CSMD2: variants seen among roughly 807,000 people sequenced by gnomAD.
The protein encoded by CSMD2 is CUB and Sushi multiple domains 2, also known as CUB and sushi domain-containing protein 2.
A neutral mutation model predicts 398.5 loss-of-function variants in CSMD2; 130 were observed. The observed-to-expected ratio is 0.33, with a 90% CI of 0.28 to 0.38. CSMD2 has a LOEUF of 0.38. Ranked by LOEUF, CSMD2 falls within the 10% of genes least tolerant of loss-of-function variation. The pLI, the probability that CSMD2 is intolerant of heterozygous loss-of-function variation, is 1.00. For missense variants in CSMD2, 3,829 were observed against 4,764.9 expected (o/e 0.80, Z 5.78); for synonymous variants, 1,828 against 1,908.5 (o/e 0.96, Z 1.10).
At chr1:33,752,382 C>T (rs1648371540) in intron 13 of CSMD2, among the ~76,000 whole-genome samples, 1 of 152,106 alleles carries the variant, frequency 6.6e-6, no homozygotes, top group African/African-American at 2.4e-5. Context: ...CCCCACCCTA[C>T]CTTGCTCCTA....
intron 3 of CSMD2, among the ~76,000 whole-genome samples, chr1:34,016,133 A>G (rs1210493663): frequency 3.9e-5 from 6 of 152,030 alleles, no homozygotes; most frequent in Admixed American, 3.3e-4. Flanking sequence ...ATTTATAGAG[A>G]AACATATACG....
At chr1:33,900,199 A>G (rs940796952) in intron 5 of CSMD2, among the ~76,000 whole-genome samples, 1 of 152,212 alleles carries the variant, frequency 6.6e-6, no homozygotes, top group Admixed American at 6.5e-5. Flanking sequence ...TTATAACTGT[A>G]TGAAAGGCCT....
intron 2 of CSMD2, among the ~76,000 whole-genome samples, chr1:34,033,180 A>T (rs576857043): frequency 1.3e-5 from 2 of 152,272 alleles, no homozygotes; most frequent in African/African-American, 2.4e-5. Flanking sequence ...TTTTATAGAA[A>T]TAAGTGCCTA....
intron 25 of CSMD2, among the ~76,000 whole-genome samples, chr1:33,672,350 G>A (rs953522532): frequency 1.3e-5 from 2 of 152,226 alleles, no homozygotes; most frequent in African/African-American, 2.4e-5. Flanking sequence ...AGGGTCCTAC[G>A]CCCACGGAGC....
At chr1:34,105,083 G>A (rs1345421525) in intron 1 of CSMD2, among the ~76,000 whole-genome samples, 1 of 152,216 alleles carries the variant, frequency 6.6e-6, no homozygotes, top group Admixed American at 6.5e-5. Flanking sequence ...CGTGCATTAA[G>A]TGCTGGGTGA....
At chr1:33,688,890 T>A (rs930250316) in intron 25 of CSMD2, among the ~76,000 whole-genome samples, 2 of 152,166 alleles carry the variant, frequency 1.3e-5, no homozygotes, top group African/African-American at 4.8e-5. Flanking sequence ...AAAAAGATAA[T>A]AACTAAATAA....
In CSMD2 at chr1:33,726,661, G is replaced by T; in HGVS notation, c.2393C>A (p.Ser798Ter). 6.2e-7 allele frequency: 1 copy of T among 1,612,088 alleles called. No homozygotes were observed. ...CEAPCGGHLT[S>*]PSGTILSPGW... ...CGGAGAGAGGATGGTGCCGCTGGGC[G>T]AAGTCAGGTGACCACCACAGGGAGC... The change falls in exon 16 of 71, where the codon TCG (serine) becomes TAG (stop). Residue 798 changes from serine to a stop codon, truncating the protein, a stop_gained. Coordinates refer to ENST00000373381, the MANE Select transcript of CSMD2 (RefSeq NM_001281956.2). LOFTEE classifies it high-confidence loss of function.
chr1:33,643,802 C>T (rs1301930205), intron 29 of CSMD2, among the ~76,000 whole-genome samples: 1 of 151,852 alleles, frequency 6.6e-6, no homozygotes, highest in East Asian at 1.9e-4. Flanking sequence ...GGTAGGGGTC[C>T]CTAGGTTCCA....
intron 5 of CSMD2, among the ~76,000 whole-genome samples, chr1:33,851,308 C>CTGA (rs1638692061): frequency 6.6e-6 from 1 of 152,206 alleles, no homozygotes; most frequent in South Asian, 2.1e-4. Flanking sequence ...TCAATAGCAT[C>CTGA]TGGCTTCTGT....
chr1:33,778,513 C>G (rs909457298), intron 12 of CSMD2, among the ~76,000 whole-genome samples: 2 of 151,970 alleles, frequency 1.3e-5, no homozygotes, highest in Non-Finnish European at 2.9e-5. Context: ...CTCCCACCCC[C>G]TAGAATGTAA....
chr1:33,831,458 T>C (rs1185199811), intron 6 of CSMD2, among the ~76,000 whole-genome samples: 1 of 151,918 alleles, frequency 6.6e-6, no homozygotes, highest in Non-Finnish European at 1.5e-5. Flanking sequence ...AACAAGCAAA[T>C]GCTGAGAGAT....
intron 3 of CSMD2, among the ~76,000 whole-genome samples, chr1:33,979,863 C>G (rs1009793989): frequency 1.3e-5 from 2 of 152,184 alleles, no homozygotes; most frequent in African/African-American, 4.8e-5. Flanking sequence ...AGTTCTTTAA[C>G]CTCTCTGAGC....
intron 3 of CSMD2, among the ~76,000 whole-genome samples, chr1:34,005,634 A>G (rs1314795471): frequency 6.6e-6 from 1 of 152,178 alleles, no homozygotes; most frequent in East Asian, 1.9e-4. Flanking sequence ...CCGGTTTGGT[A>G]TAGTGTCTAT....
chr1:33,862,951 G>A (rs2295606), intron 5 of CSMD2: 72,255 of 152,070 alleles, frequency 0.48, 18,290 homozygotes, highest in East Asian at 0.62. Flanking sequence ...TTCCTTGTCC[G>A]GCTCAGCTGC....
rs537122496 is a variant in CSMD2, at chr1:34,093,050, G to C, written c.188-3857C>G. ...AGAGCAGTGGTTCTCCCAGTACGCAGCTGGAGATCTGAGAACTGGCAGACT... is the reference window on the plus strand; with the variant it reads ...AGAGCAGTGGTTCTCCCAGTACGCACCTGGAGATCTGAGAACTGGCAGACT... On this transcript the variant is annotated intron_variant, in intron 1 of 70. Transcript: ENST00000373381. Among the ~76,000 whole-genome samples the C allele has an allele frequency of 3.5e-3, 526 of 152,324 alleles. 6 individuals are homozygous for C. The highest frequency in any genetic ancestry group is 0.014 in the Middle Eastern group (4 of 294).
intron 28 of CSMD2, among the ~76,000 whole-genome samples, chr1:33,650,422 C>T (rs1643694003): frequency 1.3e-5 from 2 of 151,950 alleles, no homozygotes; most frequent in Non-Finnish European, 2.9e-5. Flanking sequence ...ACAGATAGGA[C>T]AAGGAGGGAA....
intron 3 of CSMD2, among the ~76,000 whole-genome samples, chr1:34,028,568 G>C (rs1194780566): frequency 6.6e-6 from 1 of 152,130 alleles, no homozygotes. Flanking sequence ...GTGAAATGGA[G>C]TCACTAGCCT....
chr1:33,661,897 A>G (rs146460332), intron 26 of CSMD2, among the ~76,000 whole-genome samples: 1 of 152,328 alleles, frequency 6.6e-6, no homozygotes, highest in East Asian at 1.9e-4. Flanking sequence ...AGGTGCCACA[A>G]GAAATTGCTC....
chr1:34,099,755 C>CTCTGTCTGGTGTCTAAATAG (rs1553314794), intron 1 of CSMD2, among the ~76,000 whole-genome samples: 2 of 152,218 alleles, frequency 1.3e-5, no homozygotes, highest in African/African-American at 4.8e-5. Flanking sequence ...AATGAGGTCA[C>CTCTGTCTGGTGTCTAAATAG]TCTGTCTGGT....
Sources: gnomAD v4.1 joint callset for allele counts (sites outside exome capture counted in the v4.1 genomes callset) on GRCh38, gnomAD v4.1.1 for gene constraint, MANE v1.5 for transcripts, NCBI Gene and HGNC (gene_info 2026-07-23, HGNC 2026-07-21) for gene names.